Variants in CYTIP observed in about 807,000 individuals in gnomAD.
CYTIP encodes the protein cytohesin 1 interacting protein, also known as cytohesin-interacting protein.
A neutral mutation model predicts 43.8 loss-of-function variants in CYTIP; 26 were observed. The observed-to-expected ratio is 0.59, with a 90% CI of 0.44 to 0.82. The LOEUF is 0.82. Among genes scored for constraint, CYTIP ranks in the 40% least tolerant of loss-of-function variants. The pLI is 0.00. For missense variants in CYTIP, 426 were observed against 443.1 expected (o/e 0.96, Z 0.35); for synonymous variants, 162 against 162.9 (o/e 0.99, Z 0.04).
intron 2 of CYTIP, 83 bp from the exon 3 acceptor site, chr2:157,434,507 T>A: frequency 8.6e-7 from 1 of 1,158,820 alleles, no homozygotes; most frequent in Non-Finnish European, 1.3e-6. Flanking sequence ...AAAATAACTG[T>A]CACAATTAAA....
At chr2:157,422,466 G>A (rs1290193760) in intron 6 of CYTIP, among the ~76,000 whole-genome samples, 3 of 152,040 alleles carry the variant, frequency 2.0e-5, no homozygotes, top group Admixed American at 1.3e-4. Flanking sequence ...GCAGGAGTTC[G>A]CGACCAGCCT....
chr2:157,434,679 A>C lies in CYTIP; in HGVS notation c.224+19T>G. Reference sequence around the variant, plus strand: ...CCTAAATATTTTGGGAGAGACAAAAAATAATTCAATCTCTTTACCTTTGAG... The same window carrying C: ...CCTAAATATTTTGGGAGAGACAAAACATAATTCAATCTCTTTACCTTTGAG... On this transcript the variant is annotated intron_variant, in intron 2 of 7. Coordinates refer to ENST00000264192, the MANE Select transcript of CYTIP (RefSeq NM_004288.5). The C allele has an allele frequency of 6.3e-7, 1 of 1,593,042 alleles. No individual in the cohort carries two copies. The highest frequency in any genetic ancestry group is 8.6e-7 in the Non-Finnish European group (1 of 1,162,724).
intron 6 of CYTIP, among the ~76,000 whole-genome samples, chr2:157,421,232 TGGGCAG>T (rs1685518206): frequency 6.6e-6 from 1 of 152,230 alleles, no homozygotes; most frequent in Non-Finnish European, 1.5e-5. Flanking sequence ...CTAACCCCAC[TGGGCAG>T]CATCACCTCA....
Position 157,415,913 on chromosome 2 carries a change from C to T in CYTIP, c.844G>A (p.Asp282Asn). ...GAFSRQTSTD[D>N]ECFIPKEGDD... ...CCCTCCTTGGGGATAAAGCACTCAT[C>T]ATCTGTACTCGTCTGCCGACTGAAG... The change falls in exon 8 of 8, where the codon GAT becomes AAT. Residue 282 changes from aspartate (D) to asparagine (N), a missense_variant. Transcript: ENST00000264192. 1.2e-6 allele frequency: 2 copies of T among 1,614,204 alleles called. No individual in the cohort carries two copies. Among genetic ancestry groups the T allele is most frequent in the South Asian group, 2.2e-5 (2 of 91,078 alleles).
chr2:157,435,691 C>G (rs561422643), intron 1 of CYTIP, among the ~76,000 whole-genome samples: 1 of 152,104 alleles, frequency 6.6e-6, no homozygotes, highest in East Asian at 1.9e-4. Flanking sequence ...TTCAAGGGCC[C>G]AAAACATAAG....
chr2:157,423,619 C>G (rs1433486639), intron 6 of CYTIP, among the ~76,000 whole-genome samples: 1 of 151,448 alleles, frequency 6.6e-6, no homozygotes, highest in Non-Finnish European at 1.5e-5. Flanking sequence ...GAAAACAGTC[C>G]CCAGGTCATG....
chr2:157,427,395 T>A lies in CYTIP; in HGVS notation c.502A>T (p.Ile168Phe). The A allele has an allele frequency of 6.2e-7, 1 of 1,609,106 alleles. No homozygotes were observed. The highest frequency in any genetic ancestry group is 8.5e-7 in the Non-Finnish European group (1 of 1,178,470). ...GCTTCAAGCTCCGTTCTTTTCAGAATCATTGTTCCATTAAGAGTCTCTATC... is the reference window on the plus strand; with the variant it reads ...GCTTCAAGCTCCGTTCTTTTCAGAAACATTGTTCCATTAAGAGTCTCTATC... ...LTIETLNGTM[I>F]LKRTELEAKL... is the part of the protein sequence containing the mutation. Residue 168 changes from isoleucine to phenylalanine, a missense_variant, in exon 6 of 8, where the codon ATT (isoleucine) becomes TTT (phenylalanine). Transcript: ENST00000264192.
At chr2:157,438,659 A>G (rs1454312648) in intron 1 of CYTIP, among the ~76,000 whole-genome samples, 1 of 152,188 alleles carries the variant, frequency 6.6e-6, no homozygotes, top group African/African-American at 2.4e-5. Context: ...ATGTATGATT[A>G]TATATCAACT....
At chr2:157,422,554 C>A (rs893045744) in intron 6 of CYTIP, among the ~76,000 whole-genome samples, 15 of 151,686 alleles carry the variant, frequency 9.9e-5, no homozygotes, top group Admixed American at 2.0e-4. Flanking sequence ...CCTGTAATCC[C>A]AGCTACTCAG....
intron 6 of CYTIP, among the ~76,000 whole-genome samples, chr2:157,423,350 G>C (rs1685554121): frequency 6.6e-6 from 1 of 151,576 alleles, no homozygotes; most frequent in Non-Finnish European, 1.5e-5. Context: ...GAAAAAAATG[G>C]GGGCACACTC....
intron 6 of CYTIP, among the ~76,000 whole-genome samples, chr2:157,426,755 C>G (rs1200353510): frequency 6.6e-6 from 1 of 152,090 alleles, no homozygotes; most frequent in East Asian, 1.9e-4. Flanking sequence ...CCTCATCAGC[C>G]CAGAAAACTG....
At chr2:157,422,676 A>T (rs1685540691) in intron 6 of CYTIP, among the ~76,000 whole-genome samples, 1 of 151,658 alleles carries the variant, frequency 6.6e-6, no homozygotes, top group African/African-American at 2.4e-5. Flanking sequence ...GTCTCAAAAA[A>T]AAAAAAAAAA....
rs763717313 is a variant in CYTIP, at chr2:157,430,880, T to C, written c.362A>G (p.His121Arg). Residue 121 changes from histidine to arginine, a missense_variant, in exon 4 of 8, where the codon CAC (histidine) becomes CGC (arginine). Physicochemically the swap from His to Arg is conservative, Grantham distance 29. Transcript: ENST00000264192. ...ICKIQEDSPA[H>R]CAGLQAGDVL... Reference sequence around the variant, plus strand: ...GTTACCAGCTTGCAGGCCAGCACAGTGAGCTGGGCTGTCCTCCTGTATTTT... The same window carrying C: ...GTTACCAGCTTGCAGGCCAGCACAGCGAGCTGGGCTGTCCTCCTGTATTTT... 1.2e-6 allele frequency: 2 copies of C among 1,611,154 alleles called. No individual in the cohort carries two copies. Among genetic ancestry groups the C allele is most frequent in the Non-Finnish European group, 1.7e-6 (2 of 1,179,136 alleles).
chr2:157,433,013 T>A lies in CYTIP; in HGVS notation c.279+1357A>T, dbSNP rs139701152. On this transcript the variant is annotated intron_variant, in intron 3 of 7. Transcript: ENST00000264192. ...TGTGGCCTGACATAGTTTTGACTCT[T>A]GCTCCACGGAGAATAAGTGTTTATG... Among the ~76,000 whole-genome samples the A allele has an allele frequency of 6.9e-4, 105 of 152,296 alleles. No individual in the cohort carries two copies. The East Asian group carries it at 0.019, about 28-fold the overall frequency.
intron 2 of CYTIP, 71 bp downstream of exon 2, chr2:157,434,627 G>T: frequency 8.4e-7 from 1 of 1,193,966 alleles, no homozygotes; most frequent in Non-Finnish European, 1.2e-6. Context: ...GGAAGAGAGA[G>T]GAAAAAACAG....
Position 157,443,859 on chromosome 2 carries a change from C to G in CYTIP, c.162G>C (p.Arg54=), listed in dbSNP as rs1337586479. 6.2e-7 allele frequency: 1 copy of G among 1,614,044 alleles called. No individual in the cohort carries two copies. The highest frequency in any genetic ancestry group is 8.5e-7 in the Non-Finnish European group (1 of 1,179,950). The change falls in exon 1 of 8, where the codon CGG becomes CGC. Residue 54 remains arginine (R), a synonymous_variant. Coordinates refer to ENST00000264192, the MANE Select transcript of CYTIP (RefSeq NM_004288.5). ...ATAGCAATCATACCTGCTTTCGTCCCCGAGGCAGAGTAGCCACCGTGTCTG... is the reference window on the plus strand; with the variant it reads ...ATAGCAATCATACCTGCTTTCGTCCGCGAGGCAGAGTAGCCACCGTGTCTG... ...MLADTVATLP[R]GRKQLALTRS... is the part of the protein sequence containing the mutation.
chr2:157,424,851 C>A (rs541606662), intron 6 of CYTIP, among the ~76,000 whole-genome samples: 151 of 152,098 alleles, frequency 9.9e-4, no homozygotes, highest in South Asian at 3.1e-3. Flanking sequence ...CAAATTGACC[C>A]ACGGATCATA....
At chr2:157,429,014 C>T (rs1450810116) in intron 5 of CYTIP, among the ~76,000 whole-genome samples, 7 of 152,150 alleles carry the variant, frequency 4.6e-5, no homozygotes, top group Non-Finnish European at 1.5e-5. Context: ...AACTAAGCCC[C>T]CTCTAAGCTT....
At chr2:157,418,886 A>G (rs1685480097) in intron 6 of CYTIP, among the ~76,000 whole-genome samples, 1 of 152,202 alleles carries the variant, frequency 6.6e-6, no homozygotes, top group Non-Finnish European at 1.5e-5. Context: ...TGGGTTTGTG[A>G]AAACGTACTT....
Sources: allele counts gnomAD v4.1 joint callset (sites outside exome capture counted in the v4.1 genomes callset), GRCh38; gene constraint gnomAD v4.1.1; transcripts MANE v1.5; gene names NCBI Gene and HGNC (gene_info 2026-07-23, HGNC 2026-07-21).